Variants in SPIDR observed in about 807,000 individuals in gnomAD.
SPIDR encodes DNA repair-scaffolding protein.
Under a neutral mutation model 104.6 loss-of-function variants are expected in SPIDR, and 93 were observed. The ratio of observed to expected loss-of-function variants is 0.89; its 90% CI spans 0.75 to 1.06. The LOEUF is 1.06. SPIDR is among the 50% of genes least tolerant of loss of function. The pLI is 0.00. For synonymous variants in SPIDR, 431 were observed against 416.9 expected, an observed-to-expected ratio of 1.03 and a Z score of -0.41; for missense variants, 1,154 against 1,111.2, an observed-to-expected ratio of 1.04 and a Z score of -0.55.
At chr8:47,654,746 T>C (rs1165422206) in intron 10 of SPIDR, among the ~76,000 whole-genome samples, 2 of 152,176 alleles carry the variant, frequency 1.3e-5, no homozygotes, top group African/African-American at 4.8e-5. Flanking sequence ...TTATATATAC[T>C]TTAAGTTTTA....
At chr8:47,359,980 C>A (rs371016505) in intron 5 of SPIDR, among the ~76,000 whole-genome samples, 2 of 152,024 alleles carry the variant, frequency 1.3e-5, no homozygotes, top group Non-Finnish European at 2.9e-5. Context: ...CAGTGGCTCA[C>A]GCCTGTAATC....
At chr8:47,317,467 G>T (rs908126269) in intron 5 of SPIDR, among the ~76,000 whole-genome samples, 19 of 152,272 alleles carry the variant, frequency 1.2e-4, no homozygotes, top group African/African-American at 4.6e-4. Flanking sequence ...GCTGGAACTG[G>T]ATGGAGCCCA....
At position 47,494,678 on chromosome 8, in the gene SPIDR, AG is replaced by A. The variant is rs142484398; in HGVS notation, c.1097+54137del. ...AGTCTTTCACAAACTGTGAAGTACA[AG>A]TGTTTCTAGTAAGTGGCATGCCACT... On this transcript the variant is annotated intron_variant, in intron 8 of 19. Coordinates refer to ENST00000297423, the MANE Select transcript of SPIDR (RefSeq NM_001080394.4). Among the ~76,000 whole-genome samples, 745 of 152,072 alleles carry A rather than the reference AG, an allele frequency of 4.9e-3. 7 individuals are homozygous for A. The highest frequency in any genetic ancestry group is 0.017 in the African/African-American group (707 of 41,482).
At chr8:47,618,558 T>C (rs758245994) in intron 10 of SPIDR, among the ~76,000 whole-genome samples, 1 of 152,190 alleles carries the variant, frequency 6.6e-6, no homozygotes, top group Non-Finnish European at 1.5e-5. Flanking sequence ...ACGAAGGAGA[T>C]AAACAATTGT....
At chr8:47,687,867 A>G (rs1327486402) in intron 11 of SPIDR, among the ~76,000 whole-genome samples, 1 of 152,228 alleles carries the variant, frequency 6.6e-6, no homozygotes, top group Non-Finnish European at 1.5e-5. Context: ...GTTTGAGACC[A>G]GCCTGGGCAA....
intron 11 of SPIDR, among the ~76,000 whole-genome samples, chr8:47,696,962 G>A (rs1426124982): frequency 6.6e-6 from 1 of 152,140 alleles, no homozygotes; most frequent in Non-Finnish European, 1.5e-5. Flanking sequence ...CAGCCCTGGA[G>A]GACGTGAGTT....
intron 5 of SPIDR, among the ~76,000 whole-genome samples, chr8:47,369,193 C>A (rs1182515222): frequency 6.6e-6 from 1 of 152,130 alleles, no homozygotes; most frequent in Non-Finnish European, 1.5e-5. Context: ...TCCCCTCTGT[C>A]CCTTTCAGTT....
chr8:47,283,946 T>G, intron 2 of SPIDR, 82 bp from the exon 3 acceptor site: 1 of 981,252 alleles, frequency 1.0e-6, no homozygotes, highest in Non-Finnish European at 1.6e-6. Flanking sequence ...AAGGAGAGTG[T>G]AGTTTAAGAT....
intron 8 of SPIDR, among the ~76,000 whole-genome samples, chr8:47,575,750 AG>A (rs2059030567): frequency 6.6e-6 from 1 of 151,802 alleles, no homozygotes; most frequent in African/African-American, 2.4e-5. Context: ...TCACAAGGTC[AG>A]GAGTTCGAGA....
At chr8:47,447,088 G>A (rs1487195365) in intron 8 of SPIDR, among the ~76,000 whole-genome samples, 1 of 152,184 alleles carries the variant, frequency 6.6e-6, no homozygotes, top group Non-Finnish European at 1.5e-5. Flanking sequence ...ACATGCGGTG[G>A]AAAAAGCAAG....
intron 15 of SPIDR, 141 bp downstream of exon 15, chr8:47,713,013 A>G: frequency 7.0e-7 from 1 of 1,438,536 alleles, no homozygotes; most frequent in Non-Finnish European, 9.1e-7. Context: ...TGGCCCATGT[A>G]CCAGCCTCCA....
chr8:47,453,513 A>G (rs1259280895), intron 8 of SPIDR, among the ~76,000 whole-genome samples: 1 of 152,196 alleles, frequency 6.6e-6, no homozygotes, highest in Non-Finnish European at 1.5e-5. Flanking sequence ...TGGTACCAAA[A>G]CAGAGATACA....
intron 11 of SPIDR, chr8:47,697,833 A>T (rs2079572015): frequency 6.6e-6 from 1 of 152,264 alleles, no homozygotes; most frequent in South Asian, 2.1e-4. Context: ...CCCTTCACTG[A>T]TGGGTAGCTG....
At chr8:47,476,828 G>T (rs1554724076) in intron 8 of SPIDR, among the ~76,000 whole-genome samples, 1 of 152,226 alleles carries the variant, frequency 6.6e-6, no homozygotes, top group African/African-American at 2.4e-5. Flanking sequence ...TCAACACCAA[G>T]GCTCAGGGCT....
intron 5 of SPIDR, among the ~76,000 whole-genome samples, chr8:47,302,318 G>A (rs903646385): frequency 6.6e-6 from 1 of 151,018 alleles, no homozygotes; most frequent in South Asian, 2.1e-4. Context: ...GGACTTCTCT[G>A]CATTGGTTAT....
chr8:47,274,808 T>C (rs2036046619), intron 1 of SPIDR, among the ~76,000 whole-genome samples: 1 of 151,492 alleles, frequency 6.6e-6, no homozygotes, highest in African/African-American at 2.4e-5. Context: ...ACTCCTGACC[T>C]TGTGATCCAC....
intron 7 of SPIDR, among the ~76,000 whole-genome samples, chr8:47,423,726 G>A (rs1284416621): frequency 2.0e-5 from 3 of 152,226 alleles, no homozygotes; most frequent in Admixed American, 2.0e-4. Context: ...AGATCATGCA[G>A]GGCCTGGAGG....
chr8:47,690,290 C>T (rs760152605), intron 11 of SPIDR, among the ~76,000 whole-genome samples: 3 of 151,760 alleles, frequency 2.0e-5, no homozygotes, highest in Admixed American at 6.6e-5. Flanking sequence ...GTGAGGGGTG[C>T]GCGTGCACGT....
chr8:47,626,351 C>G (rs1046047791), intron 10 of SPIDR, among the ~76,000 whole-genome samples: 14 of 152,168 alleles, frequency 9.2e-5, no homozygotes, highest in African/African-American at 2.7e-4. Context: ...GACTAAAACA[C>G]CCAAAGCAAT....
Sources: allele counts gnomAD v4.1 joint callset (sites outside exome capture counted in the v4.1 genomes callset), GRCh38; gene constraint gnomAD v4.1.1; transcripts MANE v1.5; gene names NCBI Gene and HGNC (gene_info 2026-07-23, HGNC 2026-07-21).